B3GAT2: variants seen among roughly 807,000 people sequenced by gnomAD.
B3GAT2 encodes the protein galactosylgalactosylxylosylprotein 3-beta-glucuronosyltransferase 2.
Under a neutral mutation model 27.8 loss-of-function variants are expected in B3GAT2, and 26 were observed. The ratio of observed to expected loss-of-function variants is 0.93; its 90% CI spans 0.68 to 1.30. The LOEUF (loss-of-function observed/expected upper bound fraction) is 1.30, where lower values mean the gene tolerates loss of function less well. B3GAT2 is among the 50% of genes most tolerant of loss of function. The pLI, the probability that B3GAT2 is intolerant of heterozygous loss-of-function variation, is 0.00. For missense variants in B3GAT2, 458 were observed against 459.0 expected (o/e 1.00, Z 0.02); for synonymous variants, 218 against 195.1 (o/e 1.12, Z -0.98).
In B3GAT2 at chr6:70,956,458, C is replaced by G; in HGVS notation, c.-29G>C. 1.3e-6 allele frequency: 2 copies of G among 1,550,038 alleles called. No homozygotes were observed. The highest frequency in any genetic ancestry group is 1.7e-6 in the Non-Finnish European group (2 of 1,146,644). On this transcript the variant is annotated 5_prime_UTR_variant, in exon 1 of 4. Coordinates refer to ENST00000230053, the MANE Select transcript of B3GAT2 (RefSeq NM_080742.3). ...GCACGCTCCCTGGCCTCTCGGACACCCCAGAGAGGGGCGAGCCGAGGGACC... is the reference window on the plus strand; with the variant it reads ...GCACGCTCCCTGGCCTCTCGGACACGCCAGAGAGGGGCGAGCCGAGGGACC...
At position 70,894,235 on chromosome 6, in the gene B3GAT2, C is replaced by A; in HGVS notation, c.629G>T (p.Gly210Val). The A allele has an allele frequency of 6.2e-7, 1 of 1,612,652 alleles. No individual in the cohort carries two copies. ...TTRKVSVWPVGLVGGRRYERP... is the reference protein window; with the variant it reads ...TTRKVSVWPVVLVGGRRYERP... The stretch of plus-strand genomic sequence containing the variant: ...TTCGTAGCGCCGCCCACCAACCAGG[C>A]CCACAGGCCAGACGGAGACCTTGCG... The change falls in exon 2 of 4, where the codon GGC becomes GTC. Residue 210 changes from glycine to valine, a missense_variant. Transcript: ENST00000230053.
In B3GAT2 at chr6:70,858,157, G is replaced by A; in HGVS notation, c.*3506C>T. On this transcript the variant is annotated 3_prime_UTR_variant, in exon 4 of 4. Coordinates refer to ENST00000230053, the MANE Select transcript of B3GAT2 (RefSeq NM_080742.3). ...TTGTTGGCCCCCAAGGAGGAATGGT[G>A]GGACAAATGGGTGCACCCCAGAGTA... 1 of 1,613,986 alleles carries A rather than the reference G, an allele frequency of 6.2e-7. No homozygotes were observed. The highest frequency in any genetic ancestry group is 8.5e-7 in the Non-Finnish European group (1 of 1,179,972).
intron 1 of B3GAT2, among the ~76,000 whole-genome samples, chr6:70,930,686 A>G (rs1251680193): frequency 6.6e-6 from 1 of 152,220 alleles, no homozygotes; most frequent in Non-Finnish European, 1.5e-5. Flanking sequence ...TCAGGAAACA[A>G]CAGGTGCTGG....
intron 2 of B3GAT2, among the ~76,000 whole-genome samples, chr6:70,867,557 C>T (rs930615115): frequency 6.6e-6 from 1 of 152,032 alleles, no homozygotes; most frequent in African/African-American, 2.4e-5. Context: ...GTAAATTTGA[C>T]AACTTAGATC....
rs1393684729 is a variant in B3GAT2 at position 70,860,683 on chromosome 6, A to G, written c.*980T>C. 2.4e-6 allele frequency: 1 copy of G among 409,696 alleles called. No individual in the cohort carries two copies. Among genetic ancestry groups the G allele is most frequent in the Non-Finnish European group, 4.3e-6 (1 of 232,384 alleles). The allele number at this position is 409,696 out of a possible 1,614,324, so 25.4% of individuals were successfully genotyped here. A position where few individuals can be genotyped will look rare whatever the true frequency, so the allele number is the denominator to read the frequency against. On this transcript the variant is annotated 3_prime_UTR_variant, in exon 4 of 4. Transcript: ENST00000230053. ...TAGTTATCATGTTAGTAATACCTCT[A>G]ATAGTATAAACCCCACCCCAAAATT... is the stretch of plus-strand genomic sequence containing the variant.
At chr6:70,903,754 G>A (rs1582369736) in intron 1 of B3GAT2, among the ~76,000 whole-genome samples, 1 of 151,702 alleles carries the variant, frequency 6.6e-6, no homozygotes, top group African/African-American at 2.4e-5. Context: ...AAGAGCTGAT[G>A]ACAATGTGGA....
At chr6:70,915,578 T>C (rs913583461) in intron 1 of B3GAT2, among the ~76,000 whole-genome samples, 2 of 152,328 alleles carry the variant, frequency 1.3e-5, no homozygotes, top group Admixed American at 6.5e-5. Flanking sequence ...GAGTTAATTT[T>C]TGTATAAGGT....
At position 70,955,973 on chromosome 6, in the gene B3GAT2, G is replaced by A; in HGVS notation, c.457C>T (p.Leu153=). 1 of 1,471,106 alleles carries A rather than the reference G, an allele frequency of 6.8e-7. No individual in the cohort carries two copies. Among genetic ancestry groups the A allele is most frequent in the South Asian group, 1.4e-5 (1 of 72,470 alleles). The allele number at this position is 1,471,106 out of a possible 1,614,324, so 91.1% of individuals were successfully genotyped here. ...PTPRRYKRPG[L]PRATEQRNAG... ...TTGCGCTGCTCAGTGGCGCGCGGCA[G>A]CCCGGGCCGCTTGTAGCGCCGCGGC... Residue 153 remains leucine (L), a synonymous_variant, in exon 1 of 4, where the codon CTG becomes TTG. Coordinates refer to ENST00000230053, the MANE Select transcript of B3GAT2 (RefSeq NM_080742.3).
chr6:70,923,162 T>C (rs1009519240), intron 1 of B3GAT2, among the ~76,000 whole-genome samples: 2 of 152,158 alleles, frequency 1.3e-5, no homozygotes, highest in African/African-American at 4.8e-5. Flanking sequence ...CCAAACTTGG[T>C]TTAGACATTG....
intron 1 of B3GAT2, among the ~76,000 whole-genome samples, chr6:70,950,110 C>T (rs1375174909): frequency 2.6e-5 from 4 of 151,476 alleles, no homozygotes; most frequent in Admixed American, 6.6e-5. Flanking sequence ...TGCTAAAAGA[C>T]GAGTTAATGG....
At position 70,860,035 on chromosome 6, in the gene B3GAT2, A is replaced by G. The variant is rs1771640349; in HGVS notation, c.*1628T>C. ...CTAGAAAGTAGATAAAGAAGGGAAC[A>G]AAGTAGCTATTTGCTTTAAGAAATA... On this transcript the variant is annotated 3_prime_UTR_variant, in exon 4 of 4. Coordinates refer to ENST00000230053, the MANE Select transcript of B3GAT2 (RefSeq NM_080742.3). 4 of 665,676 alleles carry G rather than the reference A, an allele frequency of 6.0e-6. No individual in the cohort carries two copies. The South Asian group carries it at 1.3e-4, about 22-fold the overall frequency. 41.2% of individuals were successfully genotyped at this position (665,676 alleles called of 1,614,324 possible). A position where few individuals can be genotyped will look rare whatever the true frequency, so the allele number is the denominator to read the frequency against.
intron 1 of B3GAT2, among the ~76,000 whole-genome samples, chr6:70,904,974 G>A (rs147103182): frequency 1.4e-3 from 209 of 152,304 alleles, no homozygotes; most frequent in African/African-American, 4.8e-3. Flanking sequence ...TGGATGCAAA[G>A]AGGAAGACAA....
chr6:70,945,287 G>C (rs557293589), intron 1 of B3GAT2, among the ~76,000 whole-genome samples: 1 of 152,158 alleles, frequency 6.6e-6, no homozygotes, highest in African/African-American at 2.4e-5. Flanking sequence ...GCTACAGGAG[G>C]AAATTCAAGC....
At chr6:70,940,795 G>T (rs1031276491) in intron 1 of B3GAT2, among the ~76,000 whole-genome samples, 3 of 152,096 alleles carry the variant, frequency 2.0e-5, no homozygotes, top group African/African-American at 4.8e-5. Flanking sequence ...AGGCATGATG[G>T]CTTGCACCTG....
chr6:70,941,831 G>A (rs148873770), intron 1 of B3GAT2, among the ~76,000 whole-genome samples: 1 of 152,250 alleles, frequency 6.6e-6, no homozygotes, highest in Non-Finnish European at 1.5e-5. Context: ...TTCACTGCAT[G>A]CTAGGCACTG....
chr6:70,913,644 T>C (rs537875438), intron 1 of B3GAT2, among the ~76,000 whole-genome samples: 33 of 152,382 alleles, frequency 2.2e-4, no homozygotes, highest in Non-Finnish European at 3.5e-4. Context: ...TTAGAGTATG[T>C]GCCATGTGGC....
In B3GAT2 at chr6:70,859,503, C is replaced by G; in HGVS notation, c.*2160G>C. ...AGTGTCTTTGAAACTGTAAATAAGT[C>G]AAGTCAAATGTATTAAATTAAGAAC... is the stretch of plus-strand genomic sequence containing the variant. On this transcript the variant is annotated 3_prime_UTR_variant, in exon 4 of 4. Transcript: ENST00000230053. 1.2e-6 allele frequency: 1 copy of G among 826,184 alleles called. No homozygotes were observed. The highest frequency in any genetic ancestry group is 1.9e-6 in the Non-Finnish European group (1 of 531,846). 51.2% of individuals were successfully genotyped at this position (826,184 alleles called of 1,614,324 possible).
At chr6:70,927,912 C>T (rs529570931) in intron 1 of B3GAT2, among the ~76,000 whole-genome samples, 22 of 152,250 alleles carry the variant, frequency 1.4e-4, no homozygotes, top group Non-Finnish European at 2.2e-4. Context: ...TGCACTTACT[C>T]CAAAATTAAC....
At chr6:70,923,514 T>C (rs186937728) in intron 1 of B3GAT2, among the ~76,000 whole-genome samples, 2 of 152,036 alleles carry the variant, frequency 1.3e-5, no homozygotes, top group Admixed American at 6.6e-5. Context: ...TCTACAAAAA[T>C]TTTTTTAAAG....
Sources: gnomAD v4.1 joint callset for allele counts (sites outside exome capture counted in the v4.1 genomes callset) on GRCh38, gnomAD v4.1.1 for gene constraint, MANE v1.5 for transcripts, NCBI Gene and HGNC (gene_info 2026-07-23, HGNC 2026-07-21) for gene names.